The following IFT57 variants were observed in gnomAD, a reference collection of about 807,000 sequenced individuals.
IFT57 encodes intraflagellar transport protein 57 homolog.
In IFT57, 59 loss-of-function variants were observed where a neutral mutation model predicts 56.8. The observed-to-expected ratio is 1.04, with a 90% CI of 0.84 to 1.29. The LOEUF (loss-of-function observed/expected upper bound fraction) is 1.29, where lower values mean the gene tolerates loss of function less well. Ranked by LOEUF, IFT57 falls within the 50% of genes most tolerant of loss-of-function variation. The probability of loss-of-function intolerance (pLI) is 0.00; values close to 1 mark genes in which losing one functional copy is unlikely to be tolerated. For synonymous variants in IFT57, 209 were observed against 186.1 expected (o/e 1.12, Z -1.00); for missense variants, 470 against 522.1 (o/e 0.90, Z 0.97).
chr3:108,219,629 A>C, intron 1 of IFT57, 57 bp from the exon 2 acceptor site: 1 of 1,534,754 alleles, frequency 6.5e-7, no homozygotes, highest in South Asian at 1.1e-5. Flanking sequence ...ATAAGTCTAT[A>C]ATAACTAATA....
chr3:108,210,848 G>A (rs1291097008), intron 4 of IFT57, among the ~76,000 whole-genome samples: 2 of 152,176 alleles, frequency 1.3e-5, no homozygotes, highest in African/African-American at 4.8e-5. Flanking sequence ...ACCCCTTTGA[G>A]GAAGGCCTTC....
rs191495542 is a variant in IFT57, at chr3:108,216,374, G to C, written c.494+2161C>G. The stretch of plus-strand genomic sequence containing the variant: ...ACGGCCAACAGATATATGCAAAAAT[G>C]CTTGACATCACTAATCATCAGGGAA... On this transcript the variant is annotated intron_variant, in intron 3 of 10. Transcript: ENST00000264538. Among the ~76,000 whole-genome samples, 215 of 152,258 alleles carry C rather than the reference G, an allele frequency of 1.4e-3. 1 individual carries two copies. The highest frequency in any genetic ancestry group is 2.7e-3 in the Non-Finnish European group (187 of 68,022).
chr3:108,177,839 T>G (rs2080132022), intron 6 of IFT57, among the ~76,000 whole-genome samples: 1 of 151,690 alleles, frequency 6.6e-6, no homozygotes, highest in Admixed American at 6.6e-5. Context: ...TCTTAACCAG[T>G]ATAGCAGGCA....
intron 6 of IFT57, among the ~76,000 whole-genome samples, chr3:108,176,383 A>G (rs1246401943): frequency 1.3e-5 from 2 of 151,812 alleles, no homozygotes; most frequent in East Asian, 1.9e-4. Context: ...AACATCATCA[A>G]TCACAAAATG....
chr3:108,205,746 T>C (rs1056945690), intron 5 of IFT57, among the ~76,000 whole-genome samples: 1 of 144,362 alleles, frequency 6.9e-6, no homozygotes, highest in East Asian at 2.0e-4. Flanking sequence ...CCTTGATTAA[T>C]ATATAACATA....
intron 6 of IFT57, among the ~76,000 whole-genome samples, chr3:108,171,728 A>G (rs1034371480): frequency 6.6e-6 from 1 of 151,780 alleles, no homozygotes; most frequent in Non-Finnish European, 1.5e-5. Flanking sequence ...ATGGAAACCT[A>G]TTGGAGCCCA....
At chr3:108,210,141 T>C (rs1321693015) in intron 4 of IFT57, among the ~76,000 whole-genome samples, 1 of 152,116 alleles carries the variant, frequency 6.6e-6, no homozygotes. Context: ...TTGTCTAATA[T>C]GCCTTCTTAA....
chr3:108,193,490 T>C (rs537907546), intron 5 of IFT57, among the ~76,000 whole-genome samples: 1 of 152,300 alleles, frequency 6.6e-6, no homozygotes, highest in African/African-American at 2.4e-5. Context: ...TTCAGTTACA[T>C]TCCATTTAGA....
At chr3:108,195,797 A>G (rs746619438) in intron 5 of IFT57, among the ~76,000 whole-genome samples, 2 of 152,174 alleles carry the variant, frequency 1.3e-5, no homozygotes, top group Non-Finnish European at 2.9e-5. Flanking sequence ...AGAGAGTAGA[A>G]TGATGGTTAC....
intron 1 of IFT57, 42 bp from the exon 2 acceptor site, chr3:108,219,614 T>C (rs2080394042): frequency 1.3e-6 from 2 of 1,587,904 alleles, no homozygotes; most frequent in African/African-American, 2.7e-5. Flanking sequence ...TGTGAAATAA[T>C]GCAAATAAGT....
At chr3:108,191,242 T>C (rs1053628206) in intron 6 of IFT57, among the ~76,000 whole-genome samples, 5 of 152,226 alleles carry the variant, frequency 3.3e-5, no homozygotes, top group Non-Finnish European at 7.3e-5. Context: ...AAACATAATA[T>C]GATTTCCCAG....
intron 6 of IFT57, among the ~76,000 whole-genome samples, chr3:108,173,390 T>C (rs560184689): frequency 1.4e-4 from 22 of 151,896 alleles, no homozygotes; most frequent in Non-Finnish European, 2.1e-4. Context: ...GGTGTGTTTA[T>C]TATTGGGCTT....
intron 5 of IFT57, among the ~76,000 whole-genome samples, chr3:108,202,571 G>C (rs1456978202): frequency 6.6e-6 from 1 of 152,192 alleles, no homozygotes; most frequent in Non-Finnish European, 1.5e-5. Context: ...GGGACATAAA[G>C]AACGTGGAAT....
At chr3:108,163,248 G>T (rs1052916272) in intron 10 of IFT57, among the ~76,000 whole-genome samples, 1 of 152,052 alleles carries the variant, frequency 6.6e-6, no homozygotes, top group African/African-American at 2.4e-5. Context: ...GTTCTACTGG[G>T]GAGGAGGGAA....
chr3:108,206,068 TA>T (rs372256291), intron 5 of IFT57, among the ~76,000 whole-genome samples: 4,953 of 108,246 alleles, frequency 0.046, 140 homozygotes, highest in South Asian at 0.086. Context: ...TTATATATAA[TA>T]ATATATTATA....
At chr3:108,214,118 T>C in intron 3 of IFT57, 97 bp from the exon 4 acceptor site, 2 of 645,744 alleles carry the variant, frequency 3.1e-6, no homozygotes, top group East Asian at 5.7e-5. Flanking sequence ...CCAGGTTTTG[T>C]CCTTTTTCAT....
intron 3 of IFT57, among the ~76,000 whole-genome samples, chr3:108,217,198 C>A (rs574430767): frequency 4.9e-4 from 75 of 151,996 alleles, no homozygotes; most frequent in Non-Finnish European, 1.0e-3. Flanking sequence ...CGAAACATCA[C>A]ATTGTACTCC....
chr3:108,212,239 T>A (rs116207100), intron 4 of IFT57, among the ~76,000 whole-genome samples: 2,023 of 151,944 alleles, frequency 0.013, 54 homozygotes, highest in African/African-American at 0.047. Flanking sequence ...GCCTGGCATT[T>A]TTTTCTTTTT....
chr3:108,205,800 AAAT>A (rs1191474427), intron 5 of IFT57, among the ~76,000 whole-genome samples: 7 of 133,178 alleles, frequency 5.3e-5, no homozygotes, highest in South Asian at 2.2e-4. Flanking sequence ...ATAATATACA[AAAT>A]ATTATAGCAT....
Sources: gnomAD v4.1 joint callset for allele counts (sites outside exome capture counted in the v4.1 genomes callset) on GRCh38, gnomAD v4.1.1 for gene constraint, MANE v1.5 for transcripts, NCBI Gene and HGNC (gene_info 2026-07-23, HGNC 2026-07-21) for gene names.